MINDY4: variants seen among roughly 807,000 people sequenced by gnomAD.
MINDY4 encodes probable ubiquitin carboxyl-terminal hydrolase MINDY-4.
In MINDY4, 68 loss-of-function variants were observed where a neutral mutation model predicts 87.0. The observed-to-expected ratio is 0.78, with a 90% CI of 0.64 to 0.96. The LOEUF (loss-of-function observed/expected upper bound fraction) is 0.96, where lower values mean the gene tolerates loss of function less well. MINDY4 is among the 40% of genes least tolerant of loss of function. The pLI is 0.00. For synonymous variants in MINDY4, 379 were observed against 363.2 expected (o/e 1.04, Z -0.50); for missense variants, 919 against 928.2 (o/e 0.99, Z 0.13).
chr7:30,836,669 G>A lies in MINDY4; in HGVS notation c.1144G>A (p.Asp382Asn). The change falls in exon 7 of 18, where the codon GAT becomes AAT. Residue 382 changes from aspartate to asparagine, a missense_variant. Coordinates refer to ENST00000265299, the MANE Select transcript of MINDY4 (RefSeq NM_032222.3). ...TGGTTTTCTTTCAGAGGATGTGGAGGATGAGTTGATAAGGGAAGAGGTCAT... is the reference window on the plus strand; with the variant it reads ...TGGTTTTCTTTCAGAGGATGTGGAGAATGAGTTGATAAGGGAAGAGGTCAT... ...LGALRLEDVE[D>N]ELIREEVILS... 6.2e-7 allele frequency: 1 copy of A among 1,614,014 alleles called. No individual in the cohort carries two copies. The highest frequency in any genetic ancestry group is 8.5e-7 in the Non-Finnish European group (1 of 1,179,896).
At chr7:30,885,344 AC>A (rs1363015033) in intron 17 of MINDY4, among the ~76,000 whole-genome samples, 1 of 151,966 alleles carries the variant, frequency 6.6e-6, no homozygotes, top group Admixed American at 6.6e-5. Context: ...ACATGGAGAC[AC>A]CCCATCTCTA....
intron 16 of MINDY4, among the ~76,000 whole-genome samples, 161 bp downstream of exon 16, chr7:30,882,522 C>G (rs1274573026): frequency 6.6e-6 from 1 of 152,224 alleles, no homozygotes; most frequent in Non-Finnish European, 1.5e-5. Flanking sequence ...GCCAGCAGGG[C>G]CTCCCTGCAG....
chr7:30,837,895 G>T (rs1050831202), intron 7 of MINDY4, among the ~76,000 whole-genome samples: 1 of 152,186 alleles, frequency 6.6e-6, no homozygotes, highest in African/African-American at 2.4e-5. Context: ...CCTTTCTCCT[G>T]TGTGCCACCA....
chr7:30,813,372 C>G (rs187874992), intron 5 of MINDY4, among the ~76,000 whole-genome samples: 185 of 152,300 alleles, frequency 1.2e-3, no homozygotes, highest in African/African-American at 4.0e-3. Context: ...CTGTGTGAGG[C>G]GGGCCTTGTG....
Position 30,786,007 on chromosome 7 carries a change from C to T in MINDY4, c.663+15C>T. On this transcript the variant is annotated intron_variant, in intron 4 of 17. Coordinates refer to ENST00000265299, the MANE Select transcript of MINDY4 (RefSeq NM_032222.3). ...GCTCCCCACAGGTGGGGCTGTTGCT[C>T]TTTCTGTTGTTATGGGACTGGAGGC... 2 of 1,613,144 alleles carry T rather than the reference C, an allele frequency of 1.2e-6. No individual in the cohort carries two copies. Among genetic ancestry groups the T allele is most frequent in the Non-Finnish European group, 1.7e-6 (2 of 1,179,592 alleles).
intron 5 of MINDY4, among the ~76,000 whole-genome samples, chr7:30,827,324 C>G: frequency 6.6e-6 from 1 of 152,112 alleles, no homozygotes; most frequent in Non-Finnish European, 1.5e-5. Context: ...CAGTGACAGA[C>G]GGGATAGGCA....
chr7:30,879,147 A>G (rs1467346918), intron 15 of MINDY4, among the ~76,000 whole-genome samples: 3 of 152,344 alleles, frequency 2.0e-5, no homozygotes. Context: ...GCTGACCCCC[A>G]GTACCTCAGA....
intron 5 of MINDY4, among the ~76,000 whole-genome samples, chr7:30,823,802 T>C (rs907795231): frequency 6.6e-6 from 1 of 152,194 alleles, no homozygotes; most frequent in Admixed American, 6.5e-5. Flanking sequence ...GTTTTGAGCA[T>C]ATTTTAGTAG....
chr7:30,845,420 T>C (rs1789178630), intron 9 of MINDY4, among the ~76,000 whole-genome samples: 1 of 151,988 alleles, frequency 6.6e-6, no homozygotes, highest in Non-Finnish European at 1.5e-5. Flanking sequence ...GATTGTGTTA[T>C]TGATGTTCCT....
intron 5 of MINDY4, among the ~76,000 whole-genome samples, chr7:30,821,555 T>C (rs1370748265): frequency 6.6e-6 from 1 of 152,218 alleles, no homozygotes; most frequent in African/African-American, 2.4e-5. Context: ...CATGTCTAGG[T>C]ATGCATTTAT....
chr7:30,800,680 G>C (rs1787623068), intron 5 of MINDY4, among the ~76,000 whole-genome samples: 1 of 152,170 alleles, frequency 6.6e-6, no homozygotes, highest in Non-Finnish European at 1.5e-5. Flanking sequence ...AAGACTTCCT[G>C]GTAAACCAGT....
rs190682329 is a variant in MINDY4 at position 30,828,377 on chromosome 7, C to T, written c.1074-302C>T. Among the ~76,000 whole-genome samples the T allele has an allele frequency of 3.0e-3, 461 of 151,800 alleles. 4 individuals are homozygous for T. The highest frequency in any genetic ancestry group is 0.011 in the African/African-American group (436 of 41,368). ...CCCAGAAGTATTGCAGTGAAATTGG[C>T]GAGATAGCCTACATGCAGTGCTTGG... On this transcript the variant is annotated intron_variant, in intron 5 of 17. Transcript: ENST00000265299.
chr7:30,852,749 C>T (rs1789452252), intron 11 of MINDY4, among the ~76,000 whole-genome samples: 1 of 152,198 alleles, frequency 6.6e-6, no homozygotes, highest in South Asian at 2.1e-4. Flanking sequence ...GGAAGACATA[C>T]ATTTTTGTAT....
intron 3 of MINDY4, among the ~76,000 whole-genome samples, chr7:30,784,610 C>A (rs1368719798): frequency 6.6e-6 from 1 of 152,248 alleles, no homozygotes; most frequent in East Asian, 1.9e-4. Flanking sequence ...AATACAAGCC[C>A]CGGCTGCTCC....
At chr7:30,880,206 C>T (rs867489922) in intron 15 of MINDY4, among the ~76,000 whole-genome samples, 1 of 152,254 alleles carries the variant, frequency 6.6e-6, no homozygotes, top group African/African-American at 2.4e-5. Flanking sequence ...TCACAACCCC[C>T]GCCCTAGAAG....
intron 13 of MINDY4, among the ~76,000 whole-genome samples, chr7:30,862,422 G>A (rs1789793535): frequency 2.0e-5 from 3 of 152,258 alleles, no homozygotes; most frequent in Admixed American, 1.3e-4. Context: ...CCCCAGAACA[G>A]CCTGCTCCTC....
In MINDY4 at chr7:30,891,950, C is replaced by T. The variant is rs373863167; in HGVS notation, c.2226-7C>T. 3.8e-5 allele frequency: 61 copies of T among 1,613,900 alleles called. No homozygotes were observed. Among genetic ancestry groups the T allele is most frequent in the East Asian group, 1.1e-4 (5 of 44,884 alleles). On this transcript the variant is annotated splice_region_variant and splice_polypyrimidine_tract_variant and intron_variant, in intron 17 of 17. Coordinates refer to ENST00000265299, the MANE Select transcript of MINDY4 (RefSeq NM_032222.3). ...TCTCTTTGTCTCTCTCCTCACTCTA[C>T]GCTTAGGTGGAAGGGGGCATCAGTG...
At chr7:30,853,069 C>T (rs536400716) in intron 11 of MINDY4, among the ~76,000 whole-genome samples, 3 of 152,196 alleles carry the variant, frequency 2.0e-5, no homozygotes, top group South Asian at 2.1e-4. Flanking sequence ...CCCTGCCAGC[C>T]GCCTCTCTGA....
At chr7:30,779,266 TG>T (rs1336569530) in intron 2 of MINDY4, among the ~76,000 whole-genome samples, 1 of 152,262 alleles carries the variant, frequency 6.6e-6, no homozygotes, top group African/African-American at 2.4e-5. Context: ...CAGTCTTTTT[TG>T]TTCACTATTT....
Sources: gnomAD v4.1 joint callset for allele counts (sites outside exome capture counted in the v4.1 genomes callset) on GRCh38, gnomAD v4.1.1 for gene constraint, MANE v1.5 for transcripts, NCBI Gene and HGNC (gene_info 2026-07-23, HGNC 2026-07-21) for gene names.